C1orf21: variants seen among roughly 807,000 people sequenced by gnomAD.
C1orf21 encodes chromosome 1 open reading frame 21, also known as uncharacterized protein C1orf21.
C1orf21 carries 3 observed loss-of-function variants against 18.7 expected under a neutral mutation model. That is an observed-to-expected ratio of 0.16 (90% CI 0.07 to 0.42). C1orf21 has a LOEUF of 0.42. Among genes scored for constraint, C1orf21 ranks in the 10% least tolerant of loss-of-function variants. The pLI, the probability that C1orf21 is intolerant of heterozygous loss-of-function variation, is 0.99. For synonymous variants in C1orf21, 41 were observed against 46.4 expected (o/e 0.88, Z 0.47); for missense variants, 104 against 143.6 (o/e 0.72, Z 1.41).
chr1:184,532,491 T>C (rs756332496), intron 3 of C1orf21, among the ~76,000 whole-genome samples: 5 of 152,156 alleles, frequency 3.3e-5, no homozygotes, highest in Non-Finnish European at 7.3e-5. Context: ...ATGTCTGTAA[T>C]ACCAGCACTT....
Position 184,613,985 on chromosome 1 carries a change from T to C in C1orf21, c.328-5533T>C, listed in dbSNP as rs552500640. ...TCATGCCACTGCACTCCAGCCTGGGTGGCAGAGCAAGACTCTCTCTGAAGA... is the reference window on the plus strand; with the variant it reads ...TCATGCCACTGCACTCCAGCCTGGGCGGCAGAGCAAGACTCTCTCTGAAGA... On this transcript the variant is annotated intron_variant, in intron 5 of 5. Coordinates refer to ENST00000235307, the MANE Select transcript of C1orf21 (RefSeq NM_030806.4). Among the ~76,000 whole-genome samples, 75 of 152,142 alleles carry C rather than the reference T, an allele frequency of 4.9e-4. 1 individual carries two copies. Among genetic ancestry groups the C allele is most frequent in the African/African-American group, 1.8e-3 (73 of 41,510 alleles).
intron 3 of C1orf21, among the ~76,000 whole-genome samples, chr1:184,558,106 G>A (rs1179109042): frequency 1.3e-5 from 2 of 152,118 alleles, no homozygotes; most frequent in Non-Finnish European, 2.9e-5. Context: ...CTCTCTACAG[G>A]CTCAGTTTCT....
chr1:184,509,152 C>G (rs1236892044), intron 3 of C1orf21, among the ~76,000 whole-genome samples: 2 of 152,156 alleles, frequency 1.3e-5, no homozygotes, highest in Non-Finnish European at 2.9e-5. Context: ...GCTTCACATG[C>G]TTATGTCTCT....
At chr1:184,414,495 C>T (rs1656416254) in intron 1 of C1orf21, among the ~76,000 whole-genome samples, 1 of 152,040 alleles carries the variant, frequency 6.6e-6, no homozygotes, top group African/African-American at 2.4e-5. Context: ...AGATATTATT[C>T]AGCAGAATCC....
chr1:184,390,722 A>G (rs537324403), intron 1 of C1orf21, among the ~76,000 whole-genome samples: 2 of 152,198 alleles, frequency 1.3e-5, no homozygotes, highest in East Asian at 3.9e-4. Flanking sequence ...TTCCAGCTTT[A>G]CTGTGTAAAG....
At chr1:184,436,107 G>A (rs894759155) in intron 1 of C1orf21, among the ~76,000 whole-genome samples, 1 of 152,128 alleles carries the variant, frequency 6.6e-6, no homozygotes, top group Admixed American at 6.5e-5. Flanking sequence ...AGATGCTGGT[G>A]ATGGATGCAG....
At chr1:184,612,584 G>A (rs1178212254) in intron 5 of C1orf21, among the ~76,000 whole-genome samples, 3 of 152,146 alleles carry the variant, frequency 2.0e-5, no homozygotes, top group African/African-American at 7.2e-5. Context: ...AAATTAGCCA[G>A]GCGTGGTGGT....
chr1:184,499,237 G>A (rs1055161025), intron 2 of C1orf21, among the ~76,000 whole-genome samples: 1 of 152,070 alleles, frequency 6.6e-6, no homozygotes, highest in Non-Finnish European at 1.5e-5. Flanking sequence ...TTAATGCTAA[G>A]AATATATGTC....
chr1:184,614,715 C>T (rs1659792208), intron 5 of C1orf21, among the ~76,000 whole-genome samples: 2 of 152,170 alleles, frequency 1.3e-5, no homozygotes, highest in African/African-American at 2.4e-5. Flanking sequence ...ACAAGATGGT[C>T]CCATCTGGGG....
chr1:184,528,399 G>A (rs1477452357), intron 3 of C1orf21, among the ~76,000 whole-genome samples: 1 of 152,062 alleles, frequency 6.6e-6, no homozygotes, highest in East Asian at 1.9e-4. Context: ...CATAAATTTT[G>A]CATTCCACTT....
At chr1:184,440,896 C>T (rs1476895725) in intron 1 of C1orf21, among the ~76,000 whole-genome samples, 1 of 152,132 alleles carries the variant, frequency 6.6e-6, no homozygotes, top group Admixed American at 6.6e-5. Flanking sequence ...CTAGAAAGGT[C>T]GCATTTCCTT....
At chr1:184,411,416 C>CTTTT (rs1199251450) in intron 1 of C1orf21, among the ~76,000 whole-genome samples, 20 of 95,686 alleles carry the variant, frequency 2.1e-4, no homozygotes, top group East Asian at 2.8e-4. Context: ...TGGGTATTTC[C>CTTTT]TTTTTTTTTT....
At chr1:184,477,877 A>G (rs1571376988) in intron 2 of C1orf21, among the ~76,000 whole-genome samples, 1 of 152,212 alleles carries the variant, frequency 6.6e-6, no homozygotes, top group Non-Finnish European at 1.5e-5. Flanking sequence ...GTTATGGAAC[A>G]TTAGATCTTA....
intron 3 of C1orf21, among the ~76,000 whole-genome samples, chr1:184,584,976 A>G (rs1659331943): frequency 6.6e-6 from 1 of 152,222 alleles, no homozygotes; most frequent in Non-Finnish European, 1.5e-5. Flanking sequence ...CACTATGTTG[A>G]AACTGGATTG....
Position 184,625,661 on chromosome 1 carries a change from G to C in C1orf21, c.*6105G>C, listed in dbSNP as rs567660540. On this transcript the variant is annotated 3_prime_UTR_variant, in exon 6 of 6. Coordinates refer to ENST00000235307, the MANE Select transcript of C1orf21 (RefSeq NM_030806.4). ...GCCTTTCTGTAATCTCCAAGATAGT[G>C]TCTAGGAAAGTAATAGTATAACTAT... is the stretch of plus-strand genomic sequence containing the variant. 6.5e-6 allele frequency: 1 copy of C among 152,726 alleles called. No homozygotes were observed. The highest frequency in any genetic ancestry group is 2.4e-5 in the African/African-American group (1 of 41,554). The allele number at this position is 152,726 out of a possible 1,614,324, so 9.5% of individuals were successfully genotyped here. A position where few individuals can be genotyped will look rare whatever the true frequency, so the allele number is the denominator to read the frequency against.
chr1:184,517,684 G>A (rs1658250629), intron 3 of C1orf21, among the ~76,000 whole-genome samples: 1 of 152,114 alleles, frequency 6.6e-6, no homozygotes, highest in Non-Finnish European at 1.5e-5. Flanking sequence ...ACTTGAGGGA[G>A]GTACTTCATA....
At chr1:184,589,957 G>A (rs936443625) in intron 3 of C1orf21, among the ~76,000 whole-genome samples, 1 of 152,100 alleles carries the variant, frequency 6.6e-6, no homozygotes. Context: ...CAAGTTCCTC[G>A]AGTGTATATA....
chr1:184,418,535 G>A (rs1406132478), intron 1 of C1orf21, among the ~76,000 whole-genome samples: 4 of 152,084 alleles, frequency 2.6e-5, no homozygotes, highest in African/African-American at 4.8e-5. Flanking sequence ...TTTCTTCTGC[G>A]CTCTGGGAAC....
At chr1:184,410,509 G>C (rs1307075894) in intron 1 of C1orf21, among the ~76,000 whole-genome samples, 1 of 146,176 alleles carries the variant, frequency 6.8e-6, no homozygotes, top group Non-Finnish European at 1.5e-5. Flanking sequence ...AATGGCATAT[G>C]ATGGTATTAA....
Sources: allele counts gnomAD v4.1 joint callset (sites outside exome capture counted in the v4.1 genomes callset), GRCh38; gene constraint gnomAD v4.1.1; transcripts MANE v1.5; gene names NCBI Gene and HGNC (gene_info 2026-07-23, HGNC 2026-07-21).